Variants in BICD1 observed in about 807,000 individuals in gnomAD.
BICD1 encodes BICD cargo adaptor 1, also known as protein bicaudal D homolog 1.
Under a neutral mutation model 92.5 loss-of-function variants are expected in BICD1, and 35 were observed. That is an observed-to-expected ratio of 0.38 (90% confidence interval 0.29 to 0.50). The LOEUF is 0.50. Among genes scored for constraint, BICD1 ranks in the 20% least tolerant of loss-of-function variants. The pLI is 0.93. For missense variants in BICD1, 950 were observed against 1,189.8 expected, an observed-to-expected ratio of 0.80 and a Z score of 2.97; for synonymous variants, 429 against 465.1, an observed-to-expected ratio of 0.92 and a Z score of 1.00.
intron 1 of BICD1, among the ~76,000 whole-genome samples, chr12:32,184,645 A>G (rs970050213): frequency 2.0e-5 from 3 of 152,190 alleles, no homozygotes; most frequent in African/African-American, 4.8e-5. Context: ...AATAACAGCA[A>G]AGGAACTTAA....
intron 2 of BICD1, among the ~76,000 whole-genome samples, chr12:32,217,622 A>G (rs1207759285): frequency 1.3e-5 from 2 of 152,226 alleles, no homozygotes; most frequent in East Asian, 1.9e-4. Flanking sequence ...AGTGGAAGTT[A>G]GTGTTGAGTA....
chr12:32,288,223 ATTTTTTTTTTTT>A (rs34913740), intron 2 of BICD1, among the ~76,000 whole-genome samples: 1 of 109,522 alleles, frequency 9.1e-6, no homozygotes, highest in Non-Finnish European at 1.8e-5. Context: ...CCAAGTCCTA[ATTTTTTTTTTTT>A]TTTTTTTTTT....
At chr12:32,240,327 G>T (rs1392630263) in intron 2 of BICD1, among the ~76,000 whole-genome samples, 1 of 152,072 alleles carries the variant, frequency 6.6e-6, no homozygotes, top group African/African-American at 2.4e-5. Flanking sequence ...TTCACTGGGG[G>T]TAATGTCAAG....
intron 1 of BICD1, among the ~76,000 whole-genome samples, chr12:32,183,357 CT>C (rs1944335263): frequency 6.6e-6 from 1 of 151,094 alleles, no homozygotes. Context: ...ATTGCAACCG[CT>C]GGTTCAAGCG....
chr12:32,269,556 A>G (rs1259801711), intron 2 of BICD1, among the ~76,000 whole-genome samples: 1 of 152,230 alleles, frequency 6.6e-6, no homozygotes, highest in East Asian at 1.9e-4. Context: ...AAATGATTTT[A>G]GTAAGAAATG....
chr12:32,175,513 C>T lies in BICD1; in HGVS notation c.214-40734C>T, dbSNP rs904386325. On this transcript the variant is annotated intron_variant, in intron 1 of 9. Transcript: ENST00000652176. ...TGTATTTTTAGTAGAGACGGGATTT[C>T]GCCATGTTGGCCAGGCTGCTGTCCA... 7.2e-5 allele frequency among the ~76,000 whole-genome samples: 11 copies of T among 152,056 alleles called. No individual in the cohort carries two copies. The East Asian group carries it at 7.7e-4, about 11-fold the overall frequency.
chr12:32,177,916 T>C lies in BICD1; in HGVS notation c.214-38331T>C, dbSNP rs1020587125. On this transcript the variant is annotated intron_variant, in intron 1 of 9. Transcript: ENST00000652176. ...TTTGCAGCTGTTAAAAATAGTGATA[T>C]ACGTGTGTTTAGAATGTATGTTAAA... is the stretch of plus-strand genomic sequence containing the variant. Among the ~76,000 whole-genome samples the C allele has an allele frequency of 3.8e-4, 57 of 150,840 alleles. 1 individual carries two copies. The highest frequency in any genetic ancestry group is 1.2e-4 in the Non-Finnish European group (8 of 67,718).
At chr12:32,171,990 C>CACACATATA (rs3221181) in intron 1 of BICD1, among the ~76,000 whole-genome samples, 1 of 126,672 alleles carries the variant, frequency 7.9e-6, no homozygotes, top group Non-Finnish European at 1.7e-5. Flanking sequence ...CACACACACA[C>CACACATATA]TAAAACTGCT....
In BICD1 at chr12:32,337,476, C is replaced by T; in HGVS notation, c.2253-23C>T. ...CAGTTTCACCAAGATTTTCCTCTGA[C>T]CACTTCTCTGTTTTGGTTCCAGATG... On this transcript the variant is annotated intron_variant, in intron 6 of 9. Transcript: ENST00000652176. This position sits in a 1 kb window ranked among gnomAD's most constrained non-coding sequence, Gnocchi z 4.7. The T allele has an allele frequency of 1.9e-6, 3 of 1,589,608 alleles. No individual in the cohort carries two copies. The highest frequency in any genetic ancestry group is 2.6e-6 in the Non-Finnish European group (3 of 1,160,988).
intron 2 of BICD1, among the ~76,000 whole-genome samples, chr12:32,266,272 G>A (rs1330703993): frequency 1.3e-5 from 2 of 152,014 alleles, no homozygotes; most frequent in Non-Finnish European, 2.9e-5. Flanking sequence ...GAATTTTCTT[G>A]TCTTAGAAAC....
rs1170627750 is a variant in BICD1 at position 32,120,893 on chromosome 12, GAGAA to G, written c.213+13351_213+13354del. ...AGAGAGAGAGAGAGAGAGAGAGAGA[GAGAA>G]AAAAAAAAGGAAAAAATATAATGTG... On this transcript the variant is annotated intron_variant, in intron 1 of 9. Coordinates refer to ENST00000652176, the MANE Select transcript of BICD1 (RefSeq NM_001714.4). Among the ~76,000 whole-genome samples the G allele has an allele frequency of 3.4e-3, 81 of 23,796 alleles. 1 individual carries two copies. The highest frequency in any genetic ancestry group is 7.8e-3 in the African/African-American group (21 of 2,706). The allele number at this position is 23,796 out of a possible 152,430, so 15.6% of individuals were successfully genotyped here. A position where few individuals can be genotyped will look rare whatever the true frequency, so the allele number is the denominator to read the frequency against.
chr12:32,308,822 A>T (rs2136224476), intron 4 of BICD1, among the ~76,000 whole-genome samples: 1 of 152,290 alleles, frequency 6.6e-6, no homozygotes, highest in East Asian at 1.9e-4. Context: ...CCCTTAACTG[A>T]TGTTGACAGT....
intron 1 of BICD1, among the ~76,000 whole-genome samples, chr12:32,178,660 C>T (rs1240993734): frequency 6.6e-6 from 1 of 152,048 alleles, no homozygotes; most frequent in East Asian, 1.9e-4. Context: ...GTTGGAGCCA[C>T]TGCTCCGGGC....
intron 3 of BICD1, among the ~76,000 whole-genome samples, chr12:32,302,504 C>T (rs1289127182): frequency 6.6e-6 from 1 of 152,210 alleles, no homozygotes; most frequent in Non-Finnish European, 1.5e-5. Flanking sequence ...TTAGGTGTCC[C>T]AGGCCAGGTA....
At chr12:32,257,948 C>T (rs56007954) in intron 2 of BICD1, among the ~76,000 whole-genome samples, 7,828 of 152,124 alleles carry the variant, frequency 0.051, 235 homozygotes, top group Middle Eastern at 0.11. Context: ...TGTCATTTGA[C>T]GTTTCAGTTT....
chr12:32,280,478 G>A (rs1947384325), intron 2 of BICD1, among the ~76,000 whole-genome samples: 1 of 152,174 alleles, frequency 6.6e-6, no homozygotes, highest in South Asian at 2.1e-4. Flanking sequence ...TGGAAGATAA[G>A]GGATATTTTA....
chr12:32,252,019 TATC>T lies in BICD1; in HGVS notation c.426+35563_426+35565del, dbSNP rs1235597050. On this transcript the variant is annotated intron_variant, in intron 2 of 9. Coordinates refer to ENST00000652176, the MANE Select transcript of BICD1 (RefSeq NM_001714.4). ...ATTTATAATATATATTTATAATAAA[TATC>T]ATATATTTATAATATATATTTATAA... Among the ~76,000 whole-genome samples, 33 of 109,588 alleles carry T rather than the reference TATC, an allele frequency of 3.0e-4. 1 individual carries two copies. The highest frequency in any genetic ancestry group is 2.7e-4 in the South Asian group (1 of 3,756). The allele number at this position is 109,588 out of a possible 152,430, so 71.9% of individuals were successfully genotyped here.
At chr12:32,180,938 A>AT (rs997032143) in intron 1 of BICD1, among the ~76,000 whole-genome samples, 17 of 150,440 alleles carry the variant, frequency 1.1e-4, no homozygotes, top group East Asian at 7.7e-4. Flanking sequence ...TGGGCACCAA[A>AT]TTTTTTTTTT....
At chr12:32,295,191 G>T (rs1463163257) in intron 3 of BICD1, among the ~76,000 whole-genome samples, 1 of 151,992 alleles carries the variant, frequency 6.6e-6, no homozygotes, top group African/African-American at 2.4e-5. Flanking sequence ...TGTAATGGGG[G>T]TTTGATAGCT....
Sources: allele counts gnomAD v4.1 joint callset (sites outside exome capture counted in the v4.1 genomes callset), GRCh38; gene constraint gnomAD v4.1.1; non-coding constraint Gnocchi (gnomAD v3.1); transcripts MANE v1.5; gene names NCBI Gene and HGNC (gene_info 2026-07-23, HGNC 2026-07-21).